The following ANKS1B variants were observed in gnomAD, a reference collection of about 807,000 sequenced individuals.
The protein encoded by ANKS1B is ankyrin repeat and sterile alpha motif domain-containing protein 1B.
ANKS1B carries 36 observed loss-of-function variants against 148.3 expected under a neutral mutation model. That is an observed-to-expected ratio of 0.24 (90% confidence interval 0.19 to 0.32). The LOEUF (loss-of-function observed/expected upper bound fraction) is 0.32, where lower values mean the gene tolerates loss of function less well. Ranked by LOEUF, ANKS1B falls within the 10% of genes least tolerant of loss-of-function variation. ANKS1B has a pLI of 1.00. For synonymous variants in ANKS1B, 542 were observed against 560.8 expected (o/e 0.97, Z 0.47); for missense variants, 1,157 against 1,542.6 (o/e 0.75, Z 4.19).
intron 9 of ANKS1B, among the ~76,000 whole-genome samples, chr12:99,628,712 C>T (rs1014119246): frequency 6.6e-6 from 1 of 152,046 alleles, no homozygotes; most frequent in Non-Finnish European, 1.5e-5. Flanking sequence ...TCAAGGGGTC[C>T]CAATCTTGTG....
intron 17 of ANKS1B, among the ~76,000 whole-genome samples, chr12:99,001,670 A>G (rs1286236650): frequency 6.6e-6 from 1 of 152,210 alleles, no homozygotes; most frequent in Non-Finnish European, 1.5e-5. Context: ...AGAACATACA[A>G]TATCTACTTT....
chr12:99,351,399 C>T (rs1276915543), intron 12 of ANKS1B, among the ~76,000 whole-genome samples: 1 of 151,224 alleles, frequency 6.6e-6, no homozygotes, highest in African/African-American at 2.4e-5. Context: ...GGTGGTAATC[C>T]TGGAGTTTAT....
chr12:99,430,276 G>C lies in ANKS1B; in HGVS notation c.1575+13397C>G, dbSNP rs1567086229. On this transcript the variant is annotated intron_variant, in intron 11 of 26. Transcript: ENST00000683438. Reference sequence around the variant, plus strand: ...AGTCAAAAGAATTAAGACAGGTACAGTGGGAGTAGAAGAGAAAAGCTTAGA... The same window carrying C: ...AGTCAAAAGAATTAAGACAGGTACACTGGGAGTAGAAGAGAAAAGCTTAGA... 3.9e-5 allele frequency among the ~76,000 whole-genome samples: 6 copies of C among 152,294 alleles called. No individual in the cohort carries two copies. The South Asian group carries it at 1.2e-3, about 32-fold the overall frequency.
intron 1 of ANKS1B, among the ~76,000 whole-genome samples, chr12:99,968,392 T>C (rs540162062): frequency 6.6e-6 from 1 of 151,918 alleles, no homozygotes; most frequent in Non-Finnish European, 1.5e-5. Flanking sequence ...CCGTCTCTAC[T>C]AAAAATACAA....
chr12:98,811,803 T>C (rs2099098493), intron 19 of ANKS1B, among the ~76,000 whole-genome samples: 1 of 152,130 alleles, frequency 6.6e-6, no homozygotes, highest in Non-Finnish European at 1.5e-5. Flanking sequence ...GCTTTCTCTT[T>C]AGGGTGTGCA....
At chr12:99,121,318 GGTATGT>G (rs1486971094) in intron 15 of ANKS1B, among the ~76,000 whole-genome samples, 1,821 of 105,968 alleles carry the variant, frequency 0.017, 28 homozygotes, top group Non-Finnish European at 0.022. Flanking sequence ...TGTGTATGTA[GGTATGT>G]GTGTGTGTGT....
intron 1 of ANKS1B, among the ~76,000 whole-genome samples, chr12:99,891,341 T>TGCA (rs2093097221): frequency 6.6e-5 from 10 of 152,020 alleles, no homozygotes; most frequent in Non-Finnish European, 1.3e-4. Context: ...TGTGTGTGTT[T>TGCA]GTGTGTGTGC....
At chr12:99,892,123 C>T (rs1487117187) in intron 1 of ANKS1B, among the ~76,000 whole-genome samples, 1 of 152,162 alleles carries the variant, frequency 6.6e-6, no homozygotes, top group African/African-American at 2.4e-5. Flanking sequence ...CCTGCCTCAG[C>T]CTCCCAAGTA....
chr12:99,504,532 G>A lies in ANKS1B; in HGVS notation c.1382C>T (p.Ala461Val), dbSNP rs763923551. Reference protein sequence around the residue: ...ENFLCDLMDTAVTKKPCSLEI... With the variant: ...ENFLCDLMDTVVTKKPCSLEI... ...TAAGGAGCAAGGTTTCTTTGTAACA[G>A]CTGTGTCCATGAGATCACACAGAAA... is the stretch of plus-strand genomic sequence containing the variant. Residue 461 changes from alanine (A) to valine (V), a missense_variant, in exon 10 of 27, where the codon GCT (alanine) becomes GTT (valine). Ala to Val is a moderately conservative substitution (Grantham distance 64). Transcript: ENST00000683438. 1 of 1,612,830 alleles carries A rather than the reference G, an allele frequency of 6.2e-7. No individual in the cohort carries two copies. Among genetic ancestry groups the A allele is most frequent in the Admixed American group, 1.7e-5 (1 of 59,778 alleles).
chr12:99,272,800 A>T (rs1413363599), intron 12 of ANKS1B, among the ~76,000 whole-genome samples: 2 of 152,208 alleles, frequency 1.3e-5, no homozygotes, highest in Admixed American at 1.3e-4. Context: ...TTTTTATAAA[A>T]AGCATCATTT....
At chr12:99,522,964 A>G in intron 9 of ANKS1B, among the ~76,000 whole-genome samples, 1 of 152,214 alleles carries the variant, frequency 6.6e-6, no homozygotes, top group South Asian at 2.1e-4. Context: ...CTTACGAAAG[A>G]TCTTAGCAAC....
intron 1 of ANKS1B, among the ~76,000 whole-genome samples, chr12:99,974,229 A>G (rs962134706): frequency 2.6e-5 from 4 of 152,242 alleles, no homozygotes; most frequent in African/African-American, 9.6e-5. Context: ...GTATTTTTTA[A>G]TTACGTACAT....
intron 9 of ANKS1B, among the ~76,000 whole-genome samples, chr12:99,608,624 T>C (rs1382113498): frequency 6.6e-6 from 1 of 151,774 alleles, no homozygotes; most frequent in Non-Finnish European, 1.5e-5. Flanking sequence ...GCCAAAGATA[T>C]CAGGGAGCTC....
At chr12:99,334,632 C>T (rs1248192859) in intron 12 of ANKS1B, among the ~76,000 whole-genome samples, 9 of 151,986 alleles carry the variant, frequency 5.9e-5, no homozygotes, top group East Asian at 1.9e-4. Flanking sequence ...AATGTCCAGA[C>T]GTTTTCCTCC....
At chr12:98,831,917 A>G (rs375599239) in intron 18 of ANKS1B, 112 bp downstream of exon 18, 5 of 1,010,620 alleles carry the variant, frequency 4.9e-6, no homozygotes, top group East Asian at 5.3e-5. Flanking sequence ...ACCTGGCTAA[A>G]TTTTTTCTGT....
At chr12:99,139,977 G>A (rs1027333540) in intron 15 of ANKS1B, among the ~76,000 whole-genome samples, 2 of 152,164 alleles carry the variant, frequency 1.3e-5, no homozygotes, top group African/African-American at 4.8e-5. Flanking sequence ...AAAATGCTGT[G>A]GCATATTTGT....
intron 12 of ANKS1B, among the ~76,000 whole-genome samples, chr12:99,266,007 C>T (rs532926433): frequency 6.6e-6 from 1 of 152,248 alleles, no homozygotes; most frequent in East Asian, 1.9e-4. Context: ...AGATATTTTT[C>T]TTCCTTACTT....
chr12:99,313,024 A>G (rs1488605138), intron 12 of ANKS1B, among the ~76,000 whole-genome samples: 5 of 152,208 alleles, frequency 3.3e-5, no homozygotes, highest in Non-Finnish European at 7.3e-5. Flanking sequence ...ATAGACTGCT[A>G]ACTAGACTAA....
At chr12:99,527,281 G>GA (rs953534836) in intron 9 of ANKS1B, among the ~76,000 whole-genome samples, 6 of 151,890 alleles carry the variant, frequency 4.0e-5, no homozygotes, top group African/African-American at 7.3e-5. Context: ...TACTCCTTGG[G>GA]AAAAAAATAA....
Sources: allele counts gnomAD v4.1 joint callset (sites outside exome capture counted in the v4.1 genomes callset), GRCh38; gene constraint gnomAD v4.1.1; transcripts MANE v1.5; gene names NCBI Gene and HGNC (gene_info 2026-07-23, HGNC 2026-07-21).